NARS2: variants seen among roughly 807,000 people sequenced by gnomAD.
The protein encoded by NARS2 is asparaginyl-tRNA synthetase.
In NARS2, 60 loss-of-function variants were observed where a neutral mutation model predicts 62.9. The ratio of observed to expected loss-of-function variants is 0.95; its 90% CI spans 0.77 to 1.18. The LOEUF (loss-of-function observed/expected upper bound fraction) is 1.18, where lower values mean the gene tolerates loss of function less well. Ranked by LOEUF, NARS2 falls within the 50% of genes most tolerant of loss-of-function variation. The probability of loss-of-function intolerance (pLI) is 0.00; values close to 1 mark genes in which losing one functional copy is unlikely to be tolerated. For synonymous variants in NARS2, 196 were observed against 200.0 expected, an observed-to-expected ratio of 0.98 and a Z score of 0.17; for missense variants, 619 against 576.4, an observed-to-expected ratio of 1.07 and a Z score of -0.76.
chr11:78,483,485 A>T (rs910131618), intron 7 of NARS2, among the ~76,000 whole-genome samples: 1 of 152,214 alleles, frequency 6.6e-6, no homozygotes, highest in Non-Finnish European at 1.5e-5. Flanking sequence ...TATATTTAGA[A>T]AACCACATCG....
At chr11:78,555,913 A>G (rs1277776718) in intron 5 of NARS2, among the ~76,000 whole-genome samples, 1 of 152,112 alleles carries the variant, frequency 6.6e-6, no homozygotes, top group Non-Finnish European at 1.5e-5. Context: ...AAACTTTTTG[A>G]TGTCTGTCTT....
intron 11 of NARS2, among the ~76,000 whole-genome samples, chr11:78,453,466 C>A (rs1858044504): frequency 6.6e-6 from 1 of 151,764 alleles, no homozygotes; most frequent in Non-Finnish European, 1.5e-5. Context: ...AAAAAAAAAA[C>A]ATAGGCTAGA....
intron 6 of NARS2, among the ~76,000 whole-genome samples, chr11:78,512,310 T>C (rs1305958172): frequency 2.0e-5 from 3 of 152,206 alleles, no homozygotes; most frequent in African/African-American, 7.2e-5. Context: ...CTGTCAGTAA[T>C]ATAAAATAAT....
At chr11:78,548,882 A>T (rs1480132184) in intron 5 of NARS2, among the ~76,000 whole-genome samples, 1 of 152,218 alleles carries the variant, frequency 6.6e-6, no homozygotes, top group Non-Finnish European at 1.5e-5. Context: ...TATTCAAAAA[A>T]ATCTACTAAA....
intron 5 of NARS2, among the ~76,000 whole-genome samples, chr11:78,555,744 C>G (rs556143388): frequency 2.8e-4 from 43 of 152,130 alleles, no homozygotes; most frequent in African/African-American, 9.2e-4. Flanking sequence ...TCTGTTCTTG[C>G]TTCTCTAATT....
At chr11:78,478,051 T>G (rs2135262713) in intron 9 of NARS2, among the ~76,000 whole-genome samples, 1 of 152,330 alleles carries the variant, frequency 6.6e-6, no homozygotes, top group South Asian at 2.1e-4. Flanking sequence ...TTTCTGTTCC[T>G]GAATTCTTGT....
intron 11 of NARS2, among the ~76,000 whole-genome samples, chr11:78,463,610 T>G (rs1461933025): frequency 7.0e-6 from 1 of 142,246 alleles, no homozygotes; most frequent in African/African-American, 2.6e-5. Flanking sequence ...CACTTGAACC[T>G]GGGAGGCAGA....
At chr11:78,439,510 A>G (rs1326271136) in intron 13 of NARS2, among the ~76,000 whole-genome samples, 2 of 152,314 alleles carry the variant, frequency 1.3e-5, no homozygotes, top group East Asian at 1.9e-4. Context: ...CTTCCACTCT[A>G]TGTAGATACT....
intron 10 of NARS2, among the ~76,000 whole-genome samples, chr11:78,467,231 G>T (rs1392513200): frequency 1.3e-5 from 2 of 152,146 alleles, no homozygotes; most frequent in African/African-American, 4.8e-5. Context: ...TGGTCTCTCT[G>T]GACCTATATC....
At chr11:78,504,431 CCA>C (rs1357385370) in intron 6 of NARS2, among the ~76,000 whole-genome samples, 4 of 63,182 alleles carry the variant, frequency 6.3e-5, no homozygotes, top group African/African-American at 1.5e-4. Flanking sequence ...TGGCAAAACA[CCA>C]GTTTTTTTTT....
At chr11:78,462,327 T>C (rs1179642918) in intron 11 of NARS2, among the ~76,000 whole-genome samples, 1 of 152,186 alleles carries the variant, frequency 6.6e-6, no homozygotes, top group Non-Finnish European at 1.5e-5. Context: ...TGTCTCCTTT[T>C]TGCTGGCAAC....
intron 11 of NARS2, among the ~76,000 whole-genome samples, chr11:78,458,155 T>C (rs984592284): frequency 2.6e-5 from 4 of 152,192 alleles, no homozygotes; most frequent in Non-Finnish European, 4.4e-5. Flanking sequence ...TGAAAAATGT[T>C]TGAGGTGACG....
chr11:78,543,925 G>C (rs1855734849), intron 5 of NARS2, among the ~76,000 whole-genome samples: 1 of 151,134 alleles, frequency 6.6e-6, no homozygotes, highest in East Asian at 1.9e-4. Context: ...CAGCTACTCG[G>C]GAGGCTGAGG....
chr11:78,458,048 T>C (rs573277845), intron 11 of NARS2, among the ~76,000 whole-genome samples: 2 of 152,256 alleles, frequency 1.3e-5, no homozygotes, highest in Admixed American at 6.5e-5. Context: ...GTGCTGGTAT[T>C]CTGCAGCAAT....
At chr11:78,482,113 C>T (rs1859380012) in intron 7 of NARS2, among the ~76,000 whole-genome samples, 1 of 152,116 alleles carries the variant, frequency 6.6e-6, no homozygotes, top group African/African-American at 2.4e-5. Context: ...AGCTGGGACA[C>T]TTTTGAGAGT....
chr11:78,489,567 T>A (rs1286659798), intron 7 of NARS2, among the ~76,000 whole-genome samples: 1 of 152,196 alleles, frequency 6.6e-6, no homozygotes, highest in East Asian at 1.9e-4. Flanking sequence ...GTAATTTATA[T>A]AAGGAACATA....
chr11:78,502,868 A>C (rs6592781), intron 6 of NARS2, among the ~76,000 whole-genome samples: 115,623 of 151,292 alleles, frequency 0.76, 44,519 homozygotes, highest in Non-Finnish European at 0.82. Flanking sequence ...GTGGCATGCC[A>C]CTGTAATCCC....
chr11:78,530,676 T>C (rs1169353750), intron 5 of NARS2, among the ~76,000 whole-genome samples: 1 of 152,182 alleles, frequency 6.6e-6, no homozygotes, highest in African/African-American at 2.4e-5. Flanking sequence ...TTTCACCATG[T>C]TGGCCAGGAT....
At chr11:78,525,937 C>T (rs760331981) in intron 6 of NARS2, among the ~76,000 whole-genome samples, 4 of 151,972 alleles carry the variant, frequency 2.6e-5, no homozygotes, top group Non-Finnish European at 5.9e-5. Flanking sequence ...GTCAGACACA[C>T]CCAGATTAGA....
Sources: gnomAD v4.1 joint callset for allele counts (sites outside exome capture counted in the v4.1 genomes callset) on GRCh38, gnomAD v4.1.1 for gene constraint, MANE v1.5 for transcripts, NCBI Gene and HGNC (gene_info 2026-07-23, HGNC 2026-07-21) for gene names.